The following EARS2 variants were observed in gnomAD, a reference collection of about 807,000 sequenced individuals.
EARS2 encodes nondiscriminating glutamyl-tRNA synthetase EARS2, mitochondrial.
EARS2 carries 50 observed loss-of-function variants against 54.1 expected under a neutral mutation model. The observed-to-expected ratio is 0.92, with a 90% CI of 0.74 to 1.17. The LOEUF is 1.17. Among genes scored for constraint, EARS2 ranks in the 50% most tolerant of loss-of-function variants. EARS2 has a pLI of 0.00. For missense variants in EARS2, 673 were observed against 675.0 expected, an observed-to-expected ratio of 1.00 and a Z score of 0.03; for synonymous variants, 298 against 281.0, an observed-to-expected ratio of 1.06 and a Z score of -0.61.
intron 3 of EARS2, among the ~76,000 whole-genome samples, chr16:23,541,243 C>G (rs1408053793): frequency 1.3e-5 from 2 of 152,064 alleles, no homozygotes; most frequent in East Asian, 1.9e-4. Context: ...CAGAGAATCA[C>G]TTGAACCTGG....
intron 2 of EARS2, chr16:23,546,553 T>A: frequency 2.5e-6 from 1 of 400,258 alleles, no homozygotes; most frequent in South Asian, 1.8e-5. Flanking sequence ...TATGCTTTGG[T>A]ATTTATGTAT....
At position 23,524,356 on chromosome 16, in the gene EARS2, C is replaced by G. The variant is rs200936622; in HGVS notation, c.*15G>C. On this transcript the variant is annotated 3_prime_UTR_variant, in exon 9 of 9. Transcript: ENST00000449606. ...GGTTCTTAGGGCGATCTCCACTGCC[C>G]GAAACATCCTCTCCCTAGCTGGAAA... The G allele has an allele frequency of 9.5e-4, 1,527 of 1,611,046 alleles. 6 individuals are homozygous for G. The highest frequency in any genetic ancestry group is 9.1e-3 in the Middle Eastern group (55 of 6,060).
At chr16:23,528,608 T>G (rs1204905875) in intron 7 of EARS2, among the ~76,000 whole-genome samples, 1 of 152,212 alleles carries the variant, frequency 6.6e-6, no homozygotes, top group Non-Finnish European at 1.5e-5. Context: ...GAATTAGAAC[T>G]AATAGGCCCT....
At chr16:23,544,728 C>A in intron 2 of EARS2, 25 bp from the exon 3 acceptor site, 2 of 1,574,230 alleles carry the variant, frequency 1.3e-6, no homozygotes, top group Non-Finnish European at 1.7e-6. Flanking sequence ...ATAATGACAG[C>A]TAAGGTGCAC....
chr16:23,533,310 C>T (rs1436613588), intron 4 of EARS2, among the ~76,000 whole-genome samples: 1 of 151,976 alleles, frequency 6.6e-6, no homozygotes, highest in Non-Finnish European at 1.5e-5. Flanking sequence ...CACATACATA[C>T]ATACATTTTT....
chr16:23,527,766 G>A (rs1166741930), intron 7 of EARS2, among the ~76,000 whole-genome samples: 1 of 152,114 alleles, frequency 6.6e-6, no homozygotes, highest in Non-Finnish European at 1.5e-5. Context: ...TGTTAGCCAG[G>A]ATGGTCTTGA....
intron 1 of EARS2, chr16:23,552,960 C>T: frequency 6.7e-6 from 2 of 298,156 alleles, no homozygotes; most frequent in South Asian, 5.1e-5. Flanking sequence ...CATGGTGAGA[C>T]CTTGTCTTAG....
At chr16:23,526,068 CACCAA>C (rs1171775770) in intron 7 of EARS2, among the ~76,000 whole-genome samples, 1 of 150,108 alleles carries the variant, frequency 6.7e-6, no homozygotes, top group African/African-American at 2.4e-5. Context: ...ACTTATAAAG[CACCAA>C]GTGCCTGAAC....
chr16:23,557,021 G>A (rs1456736445), intron 1 of EARS2, 184 bp downstream of exon 1: 7 of 920,702 alleles, frequency 7.6e-6, no homozygotes, highest in South Asian at 2.9e-5. Context: ...AGAAACTCCT[G>A]GCAATTTGAA....
chr16:23,537,725 A>T (rs969470017), intron 3 of EARS2, among the ~76,000 whole-genome samples: 2 of 151,412 alleles, frequency 1.3e-5, no homozygotes, highest in African/African-American at 4.9e-5. Flanking sequence ...GGTATGCACG[A>T]CTATACCCAG....
In EARS2 at chr16:23,535,040, G is replaced by A; in HGVS notation, c.806C>T (p.Pro269Leu). The change falls in exon 4 of 9, where the codon CCC becomes CTC. Residue 269 changes from proline (P) to leucine (L), a missense_variant. Physicochemically the swap from Pro to Leu is moderately conservative, Grantham distance 98. This residue lies in a region of EARS2 where 338 missense variants were observed against 361.2 expected (regional missense o/e 0.94). Coordinates refer to ENST00000449606, the MANE Select transcript of EARS2 (RefSeq NM_001083614.2). ...GAGCAGGGGCAGGTGGGCGAAGTGG[G>A]GTGGCTGCCAGCCCAGGGCCTGGTA... is the stretch of plus-strand genomic sequence containing the variant. The part of the protein sequence containing the change: ...LLYQALGWQP[P>L]HFAHLPLLLN... 1.2e-6 allele frequency: 2 copies of A among 1,610,672 alleles called. No homozygotes were observed. The highest frequency in any genetic ancestry group is 1.7e-6 in the Non-Finnish European group (2 of 1,178,852).
intron 3 of EARS2, among the ~76,000 whole-genome samples, chr16:23,539,532 C>G (rs910077970): frequency 2.6e-5 from 4 of 152,114 alleles, no homozygotes; most frequent in Non-Finnish European, 5.9e-5. Context: ...CAAAAAATAA[C>G]GACTTAGATA....
At chr16:23,528,978 A>G (rs1354628423) in intron 7 of EARS2, among the ~76,000 whole-genome samples, 4 of 152,236 alleles carry the variant, frequency 2.6e-5, no homozygotes, top group African/African-American at 7.2e-5. Flanking sequence ...TAGGGGCAGA[A>G]GGGGAAAGGC....
At chr16:23,551,985 T>C (rs1314277502) in intron 2 of EARS2, among the ~76,000 whole-genome samples, 164 bp downstream of exon 2, 3 of 152,164 alleles carry the variant, frequency 2.0e-5, no homozygotes, top group Non-Finnish European at 4.4e-5. Flanking sequence ...AGCTTCGGCA[T>C]TTTTTCAGGT....
chr16:23,555,663 A>G (rs1294429880), intron 1 of EARS2, among the ~76,000 whole-genome samples: 1 of 152,180 alleles, frequency 6.6e-6, no homozygotes, highest in Non-Finnish European at 1.5e-5. Flanking sequence ...ACAATCAAGT[A>G]CAGAAACTGA....
At chr16:23,530,050 A>G in intron 5 of EARS2, 153 bp from the exon 6 acceptor site, 1 of 942,378 alleles carries the variant, frequency 1.1e-6, no homozygotes, top group Non-Finnish European at 1.5e-6. Flanking sequence ...CACGTTTATA[A>G]AAAGAAAGGG....
chr16:23,536,573 A>T (rs1383712800), intron 3 of EARS2, among the ~76,000 whole-genome samples: 3 of 152,112 alleles, frequency 2.0e-5, no homozygotes, highest in Non-Finnish European at 4.4e-5. Flanking sequence ...AAGGTGGAAG[A>T]ATCACTGGAG....
chr16:23,553,103 G>T, intron 1 of EARS2: 1 of 324,750 alleles, frequency 3.1e-6, no homozygotes, highest in Non-Finnish European at 6.4e-6. Flanking sequence ...ACTCCAGCCT[G>T]GGCAGCAGTA....
At chr16:23,556,920 TACA>T (rs1218691535) in intron 1 of EARS2, 1 of 651,110 alleles carries the variant, frequency 1.5e-6, no homozygotes, top group East Asian at 3.1e-5. Flanking sequence ...TCCCAGCGTC[TACA>T]ACACCTGTTA....
Sources: allele counts gnomAD v4.1 joint callset (sites outside exome capture counted in the v4.1 genomes callset), GRCh38; gene constraint gnomAD v4.1.1; regional missense constraint gnomAD v4.1.1; transcripts MANE v1.5; gene names NCBI Gene and HGNC (gene_info 2026-07-23, HGNC 2026-07-21).